ERP29: variants seen among roughly 807,000 people sequenced by gnomAD.
ERP29 encodes endoplasmic reticulum protein 29.
In ERP29, 14 loss-of-function variants were observed where a neutral mutation model predicts 21.7. That is an observed-to-expected ratio of 0.64 (90% CI 0.43 to 1.01). The LOEUF (loss-of-function observed/expected upper bound fraction) is 1.01, where lower values mean the gene tolerates loss of function less well. Among genes scored for constraint, ERP29 ranks in the 50% least tolerant of loss-of-function variants. ERP29 has a pLI of 0.00. For missense variants in ERP29, 286 were observed against 327.3 expected (o/e 0.87, Z 0.97); for synonymous variants, 129 against 139.1 (o/e 0.93, Z 0.51).
At position 112,022,532 on chromosome 12, in the gene ERP29, A is replaced by G. The variant is rs199849950; in HGVS notation, c.666A>G (p.Thr222=). 185 of 1,614,218 alleles carry G rather than the reference A, an allele frequency of 1.1e-4. No individual in the cohort carries two copies. In the Admixed American group the frequency reaches 2.9e-3, roughly 26 times the overall value. ...AGGACTTCCCAGCATCAGAGATGAC[A>G]CGGATCGCCAGGCTGATTGAGAAGA... The part of the protein sequence containing the change: ...QGEDFPASEM[T]RIARLIEKNK... The change falls in exon 3 of 3, where the codon ACA becomes ACG. Residue 222 remains threonine, a synonymous_variant. Coordinates refer to ENST00000261735, the MANE Select transcript of ERP29 (RefSeq NM_006817.4).
chr12:112,022,681 GGT>G lies in ERP29; in HGVS notation c.*31_*32del. On this transcript the variant is annotated 3_prime_UTR_variant, in exon 3 of 3. Transcript: ENST00000261735. ...GGCTGTCTGTGATTTTCCAGGGTTT[GGT>G]GGGGGTAGGGAGGGGAGAGTTAACC... 6.3e-7 allele frequency: 1 copy of G among 1,577,436 alleles called. No individual in the cohort carries two copies. Among genetic ancestry groups the G allele is most frequent in the South Asian group, 1.2e-5 (1 of 84,544 alleles).
In ERP29 at chr12:112,017,332, A is replaced by G. The variant is rs368817139; in HGVS notation, c.145-2424A>G. 4.4e-4 allele frequency among the ~76,000 whole-genome samples: 67 copies of G among 152,312 alleles called. No individual in the cohort carries two copies. In the South Asian group the frequency reaches 0.013, roughly 29 times the overall value. On this transcript the variant is annotated intron_variant, in intron 1 of 2. Coordinates refer to ENST00000261735, the MANE Select transcript of ERP29 (RefSeq NM_006817.4). ...AAATAAGGATTTCAGAGAGTGAGTA[A>G]TGCACTGAAGAAAATACAGCAGGGT...
intron 1 of ERP29, among the ~76,000 whole-genome samples, chr12:112,013,975 C>T (rs2077970522): frequency 6.6e-6 from 1 of 152,206 alleles, no homozygotes; most frequent in Non-Finnish European, 1.5e-5. Flanking sequence ...GCGAGGTCGA[C>T]GCCACCGGGC....
intron 1 of ERP29, among the ~76,000 whole-genome samples, chr12:112,015,479 ACT>A (rs1593724297): frequency 2.0e-5 from 3 of 149,720 alleles, no homozygotes; most frequent in Middle Eastern, 3.5e-3. Context: ...CAAGAGCAAA[ACT>A]CTGTCTCAAA....
intron 1 of ERP29, chr12:112,019,519 G>C (rs1450624104): frequency 3.7e-6 from 2 of 546,782 alleles, no homozygotes; most frequent in African/African-American, 1.9e-5. Flanking sequence ...TTCTGGACAG[G>C]GTTGTGTATA....
intron 1 of ERP29, chr12:112,014,943 G>A (rs182075790): frequency 6.6e-6 from 1 of 152,422 alleles, no homozygotes; most frequent in East Asian, 1.9e-4. Context: ...CAGCACTTTG[G>A]GAGGCTGAGG....
rs772553444 is a variant in ERP29 at position 112,013,482 on chromosome 12, C to G, written c.17C>G (p.Pro6Arg). The G allele has an allele frequency of 2.5e-6, 4 of 1,612,722 alleles. No homozygotes were observed. Among genetic ancestry groups the G allele is most frequent in the Non-Finnish European group, 3.4e-6 (4 of 1,179,386 alleles). MAAAVPRAAFLSPLLP... is the reference protein window; with the variant it reads MAAAVRRAAFLSPLLP... Reference sequence around the variant, plus strand: ...CCCGGCGATATGGCTGCCGCTGTGCCCCGCGCCGCATTTCTCTCCCCGCTG... The same window carrying G: ...CCCGGCGATATGGCTGCCGCTGTGCGCCGCGCCGCATTTCTCTCCCCGCTG... Residue 6 changes from proline (P) to arginine (R), a missense_variant, in exon 1 of 3, where the codon CCC (proline) becomes CGC (arginine). By Grantham distance (103) the Pro-to-Arg change is moderately radical (BLOSUM62 -2). Coordinates refer to ENST00000261735, the MANE Select transcript of ERP29 (RefSeq NM_006817.4).
chr12:112,022,654 A>G lies in ERP29; in HGVS notation c.*2A>G, dbSNP rs1201689369. The G allele has an allele frequency of 7.4e-5, 118 of 1,600,428 alleles. 1 individual carries two copies. The highest frequency in any genetic ancestry group is 9.8e-5 in the Non-Finnish European group (115 of 1,173,266). On this transcript the variant is annotated 3_prime_UTR_variant, in exon 3 of 3. Coordinates refer to ENST00000261735, the MANE Select transcript of ERP29 (RefSeq NM_006817.4). Reference sequence around the variant, plus strand: ...GGGGCCGAGAAAGAGGAGCTGTAAAAAGGCTGTCTGTGATTTTCCAGGGTT... The same window carrying G: ...GGGGCCGAGAAAGAGGAGCTGTAAAGAGGCTGTCTGTGATTTTCCAGGGTT...
rs748398489 is a variant in ERP29, at chr12:112,022,513, TC to T, written c.650del (p.Pro217GlnfsTer5). 1.4e-5 allele frequency: 23 copies of T among 1,613,990 alleles called. No homozygotes were observed. Among genetic ancestry groups the T allele is most frequent in the Non-Finnish European group, 1.9e-5 (22 of 1,180,018 alleles). On this transcript the variant is annotated frameshift_variant, in exon 3 of 3. Transcript: ENST00000261735. LOFTEE classifies it high-confidence loss of function. ...AAGATCTTAGACCAAGGGGAGGACT[TC>T]CCAGCATCAGAGATGACACGGATCG... is the stretch of plus-strand genomic sequence containing the variant. ...MGKILDQGED[F>X]PASEMTRIAR...
chr12:112,014,664 C>T (rs907379919), intron 1 of ERP29: 1 of 152,288 alleles, frequency 6.6e-6, no homozygotes, highest in African/African-American at 2.4e-5. Flanking sequence ...TCCCAGTCCC[C>T]TCCTCTTGCA....
intron 1 of ERP29, among the ~76,000 whole-genome samples, chr12:112,016,576 A>G (rs1378513195): frequency 6.6e-6 from 1 of 152,232 alleles, no homozygotes; most frequent in Non-Finnish European, 1.5e-5. Flanking sequence ...CCCATTGGAC[A>G]CCAAGGGCTG....
chr12:112,014,292 C>T (rs1030239044), intron 1 of ERP29, among the ~76,000 whole-genome samples: 1 of 152,186 alleles, frequency 6.6e-6, no homozygotes, highest in Non-Finnish European at 1.5e-5. Context: ...ACATCAGCTG[C>T]GGCATTACAT....
At chr12:112,015,859 A>G (rs1426210442) in intron 1 of ERP29, among the ~76,000 whole-genome samples, 2 of 152,058 alleles carry the variant, frequency 1.3e-5, no homozygotes, top group Non-Finnish European at 2.9e-5. Flanking sequence ...CTTGCTCTTT[A>G]CTGCCTTAGG....
chr12:112,015,472 G>A (rs1294168374), intron 1 of ERP29: 5 of 152,070 alleles, frequency 3.3e-5, no homozygotes, highest in South Asian at 2.1e-4. Flanking sequence ...TGGGCAACAA[G>A]AGCAAAACTC....
rs149787238 is a variant in ERP29 at position 112,022,306 on chromosome 12, G to A, written c.440G>A (p.Gly147Glu). 38 of 1,613,052 alleles carry A rather than the reference G, an allele frequency of 2.4e-5. No individual in the cohort carries two copies. Among genetic ancestry groups the A allele is most frequent in the Non-Finnish European group, 3.1e-5 (37 of 1,179,494 alleles). Residue 147 changes from glycine (G) to glutamate (E), a missense_variant, in exon 3 of 3, where the codon GGG (glycine) becomes GAG (glutamate). By Grantham distance (98) the Gly-to-Glu change is moderately conservative (BLOSUM62 -2). Transcript: ENST00000261735. ...KVGAIQRWLK[G>E]QGVYLGMPGC... Reference sequence around the variant, plus strand: ...GGAGCCATCCAGCGCTGGCTGAAGGGGCAAGGGGTCTACCTAGGTATGCCT... The same window carrying A: ...GGAGCCATCCAGCGCTGGCTGAAGGAGCAAGGGGTCTACCTAGGTATGCCT...
intron 2 of ERP29, among the ~76,000 whole-genome samples, chr12:112,021,516 T>A: frequency 1.2e-5 from 1 of 80,306 alleles, no homozygotes; most frequent in Non-Finnish European, 2.2e-5. Context: ...CTTAATAGTC[T>A]TTTTTTTTTT....
rs139801777 is a variant in ERP29 at position 112,019,842 on chromosome 12, T to C, written c.231T>C (p.Ala77=). 6.2e-7 allele frequency: 1 copy of C among 1,613,918 alleles called. No homozygotes were observed. Among genetic ancestry groups the C allele is most frequent in the African/African-American group, 1.3e-5 (1 of 74,858 alleles). The change falls in exon 2 of 3, where the codon GCT becomes GCC. Residue 77 remains alanine (A), a synonymous_variant. Transcript: ENST00000261735. ...AGCAGGATGAGTTCAAGCGTCTTGC[T>C]GAAAACTCGGCTTCCAGCGATGATC... ...GEKQDEFKRL[A]ENSASSDDLL... is the part of the protein sequence containing the mutation.
intron 1 of ERP29, chr12:112,019,517 A>G (rs1405423204): frequency 1.5e-5 from 8 of 536,556 alleles, no homozygotes; most frequent in Non-Finnish European, 2.4e-5. Context: ...TATTCTGGAC[A>G]GGGTTGTGTA....
intron 2 of ERP29, among the ~76,000 whole-genome samples, chr12:112,020,759 C>T (rs1215945870): frequency 1.3e-5 from 2 of 152,228 alleles, no homozygotes; most frequent in Non-Finnish European, 2.9e-5. Context: ...TAACATTTAT[C>T]AGATGTTTAC....
Sources: allele counts gnomAD v4.1 joint callset (sites outside exome capture counted in the v4.1 genomes callset), GRCh38; gene constraint gnomAD v4.1.1; transcripts MANE v1.5; gene names NCBI Gene and HGNC (gene_info 2026-07-23, HGNC 2026-07-21).